CGNL1: variants seen among roughly 807,000 people sequenced by gnomAD.
CGNL1 encodes cingulin-like protein 1.
Under a neutral mutation model 141.2 loss-of-function variants are expected in CGNL1, and 132 were observed. The observed-to-expected ratio is 0.93, with a 90% CI of 0.81 to 1.08. The LOEUF (loss-of-function observed/expected upper bound fraction) is 1.08. Among genes scored for constraint, CGNL1 ranks in the 50% least tolerant of loss-of-function variants. CGNL1 has a pLI of 0.00. For missense variants in CGNL1, 1,870 were observed against 1,588.6 expected (o/e 1.18, Z -3.01); for synonymous variants, 690 against 622.1 (o/e 1.11, Z -1.63).
At chr15:57,518,539 T>A in intron 10 of CGNL1, 42 bp downstream of exon 10, 1 of 1,360,354 alleles carries the variant, frequency 7.4e-7, no homozygotes, top group Non-Finnish European at 1.0e-6. Flanking sequence ...TCAAGAAGAA[T>A]GCATAGAGAC....
intron 5 of CGNL1, among the ~76,000 whole-genome samples, 199 bp downstream of exon 5, chr15:57,451,800 A>G (rs1221461444): frequency 6.6e-6 from 1 of 152,092 alleles, no homozygotes; most frequent in East Asian, 1.9e-4. Context: ...ACCAAAGCCT[A>G]TAGAGACTGT....
chr15:57,507,022 C>G (rs187992640), intron 8 of CGNL1, among the ~76,000 whole-genome samples: 1 of 152,160 alleles, frequency 6.6e-6, no homozygotes, highest in African/African-American at 2.4e-5. Context: ...TAGCCACCAT[C>G]GCTATCTAAT....
rs1418642028 is a variant in CGNL1, at chr15:57,518,269, G to A, written c.2611-124G>A. 10 of 690,062 alleles carry A rather than the reference G, an allele frequency of 1.4e-5. No individual in the cohort carries two copies. The Admixed American group carries it at 1.9e-4, about 13-fold the overall frequency. 42.7% of individuals were successfully genotyped at this position (690,062 alleles called of 1,614,324 possible). On this transcript the variant is annotated intron_variant, in intron 9 of 18. Transcript: ENST00000281282. ...GTGTGCCACCTTGGGTCTGTGACAG[G>A]TGCATTGTGACCATAGCCACTGCCA... is the stretch of plus-strand genomic sequence containing the variant.
chr15:57,435,805 T>C (rs1006465916), intron 1 of CGNL1, among the ~76,000 whole-genome samples: 1 of 152,150 alleles, frequency 6.6e-6, no homozygotes, highest in African/African-American at 2.4e-5. Context: ...TTATTAAGGT[T>C]GTACAGATGG....
chr15:57,537,262 T>C (rs551449972), intron 14 of CGNL1, among the ~76,000 whole-genome samples: 104 of 152,268 alleles, frequency 6.8e-4, no homozygotes, highest in Non-Finnish European at 1.6e-4. Flanking sequence ...CTCCAGGGAC[T>C]GAGCAAGGCT....
intron 7 of CGNL1, among the ~76,000 whole-genome samples, chr15:57,454,921 G>A (rs1280411): frequency 0.24 from 36,921 of 151,776 alleles, 4,818 homozygotes; most frequent in Middle Eastern, 0.29. Context: ...AGGGGGGGAC[G>A]TACACATACT....
intron 1 of CGNL1, among the ~76,000 whole-genome samples, chr15:57,420,077 G>T (rs552857065): frequency 6.6e-6 from 1 of 152,274 alleles, no homozygotes; most frequent in African/African-American, 2.4e-5. Flanking sequence ...CTTAATCATT[G>T]TGGGTAATTT....
At chr15:57,494,576 T>C (rs1369667603) in intron 8 of CGNL1, among the ~76,000 whole-genome samples, 1 of 152,196 alleles carries the variant, frequency 6.6e-6, no homozygotes, top group African/African-American at 2.4e-5. Context: ...AGGGATGGAT[T>C]TTGTTTTGGG....
At chr15:57,431,236 A>T (rs1042694316) in intron 1 of CGNL1, among the ~76,000 whole-genome samples, 2 of 152,220 alleles carry the variant, frequency 1.3e-5, no homozygotes, top group Non-Finnish European at 2.9e-5. Context: ...AACCATCCTG[A>T]ACTGTGTGAA....
chr15:57,481,354 T>C (rs1595749993), intron 8 of CGNL1, among the ~76,000 whole-genome samples: 1 of 152,126 alleles, frequency 6.6e-6, no homozygotes, highest in East Asian at 1.9e-4. Context: ...TTCCCTCCCA[T>C]CCCTCCTTGA....
At chr15:57,511,889 G>A (rs372672485) in intron 8 of CGNL1, among the ~76,000 whole-genome samples, 4 of 152,272 alleles carry the variant, frequency 2.6e-5, no homozygotes, top group South Asian at 4.1e-4. Context: ...GGTAAGATAC[G>A]GACAAATGAA....
At chr15:57,465,328 T>C (rs1371060191) in intron 8 of CGNL1, among the ~76,000 whole-genome samples, 2 of 151,956 alleles carry the variant, frequency 1.3e-5, no homozygotes, top group African/African-American at 2.4e-5. Flanking sequence ...TACACTTAGA[T>C]TTTTCCTGCC....
chr15:57,474,287 G>A (rs1209806880), intron 8 of CGNL1, among the ~76,000 whole-genome samples: 3 of 152,024 alleles, frequency 2.0e-5, no homozygotes, highest in East Asian at 3.9e-4. Context: ...CTAAGTTTTG[G>A]GACAATTTGT....
At chr15:57,479,117 C>T (rs2063692318) in intron 8 of CGNL1, among the ~76,000 whole-genome samples, 1 of 152,186 alleles carries the variant, frequency 6.6e-6, no homozygotes, top group Admixed American at 6.5e-5. Flanking sequence ...TTCTGACATC[C>T]AGCTTTTGGG....
At chr15:57,435,060 C>T (rs374330395) in intron 1 of CGNL1, among the ~76,000 whole-genome samples, 7 of 151,918 alleles carry the variant, frequency 4.6e-5, no homozygotes, top group Admixed American at 1.3e-4. Flanking sequence ...AAATTAATAC[C>T]GATAAGCATC....
chr15:57,442,295 G>C (rs893765694), intron 3 of CGNL1, 78 bp from the exon 4 acceptor site: 1 of 813,844 alleles, frequency 1.2e-6, no homozygotes, highest in African/African-American at 1.7e-5. Context: ...GACCTGTTGG[G>C]TGTGTGTCAT....
chr15:57,446,945 G>A (rs1327907497), intron 4 of CGNL1, among the ~76,000 whole-genome samples: 2 of 151,852 alleles, frequency 1.3e-5, no homozygotes, highest in Non-Finnish European at 2.9e-5. Flanking sequence ...ACTTTAGTAA[G>A]CCTTCAGATC....
At chr15:57,495,682 G>A (rs1163957537) in intron 8 of CGNL1, among the ~76,000 whole-genome samples, 1 of 152,136 alleles carries the variant, frequency 6.6e-6, no homozygotes, top group Admixed American at 6.5e-5. Context: ...TTTTGGGGAG[G>A]CACTTATAAG....
At chr15:57,503,828 A>G (rs1484184569) in intron 8 of CGNL1, among the ~76,000 whole-genome samples, 3 of 152,168 alleles carry the variant, frequency 2.0e-5, no homozygotes, top group East Asian at 3.9e-4. Context: ...GTTCACTATC[A>G]TGAGACTAGG....
Sources: gnomAD v4.1 joint callset for allele counts (sites outside exome capture counted in the v4.1 genomes callset) on GRCh38, gnomAD v4.1.1 for gene constraint, MANE v1.5 for transcripts, NCBI Gene and HGNC (gene_info 2026-07-23, HGNC 2026-07-21) for gene names.